The following LVRN variants were observed in gnomAD, a reference collection of about 807,000 sequenced individuals.
The protein encoded by LVRN is aminopeptidase Q.
Under a neutral mutation model 111.4 loss-of-function variants are expected in LVRN, and 99 were observed. That is an observed-to-expected ratio of 0.89 (90% CI 0.76 to 1.05). The LOEUF is 1.05. Ranked by LOEUF, LVRN falls within the 50% of genes least tolerant of loss-of-function variation. LVRN has a pLI of 0.00. For missense variants in LVRN, 1,414 were observed against 1,206.8 expected, an observed-to-expected ratio of 1.17 and a Z score of -2.54; for synonymous variants, 488 against 449.5, an observed-to-expected ratio of 1.09 and a Z score of -1.08.
chr5:115,999,073 C>T (rs949372890), intron 6 of LVRN, among the ~76,000 whole-genome samples: 3 of 152,120 alleles, frequency 2.0e-5, no homozygotes, highest in Admixed American at 1.3e-4. Context: ...GAACGTGTGC[C>T]GGTATAACTT....
intron 1 of LVRN, among the ~76,000 whole-genome samples, chr5:115,976,962 C>T (rs1753462049): frequency 1.3e-5 from 2 of 152,144 alleles, no homozygotes; most frequent in Non-Finnish European, 2.9e-5. Context: ...ACTACTCAGG[C>T]ATCACCCATC....
In LVRN at chr5:115,992,279, C is replaced by T; in HGVS notation, c.1260+2C>T. 1 of 1,613,500 alleles carries T rather than the reference C, an allele frequency of 6.2e-7. No individual in the cohort carries two copies. The highest frequency in any genetic ancestry group is 8.5e-7 in the Non-Finnish European group (1 of 1,179,784). On this transcript the variant is annotated splice_donor_variant, in intron 5 of 19. Coordinates refer to ENST00000357872, the MANE Select transcript of LVRN (RefSeq NM_173800.5). LOFTEE classifies it low-confidence loss of function (GC_TO_GT_DONOR). ...GTCTCCCACGAGATTGGACACCAGG[C>T]ATGTGGTAAAATGTTCTTTTTATTT... is the stretch of plus-strand genomic sequence containing the variant.
chr5:115,972,892 G>A (rs1214490178), intron 1 of LVRN, among the ~76,000 whole-genome samples: 4 of 151,204 alleles, frequency 2.6e-5, no homozygotes, highest in African/African-American at 4.8e-5. Flanking sequence ...TGTTAATATG[G>A]TAAATTACAT....
At position 115,992,296 on chromosome 5, in the gene LVRN, T is replaced by C. The variant is rs1748014393; in HGVS notation, c.1260+19T>C. ...ACACCAGGCATGTGGTAAAATGTTC[T>C]TTTTATTTCACTTGAAGTTATTCTC... is the stretch of plus-strand genomic sequence containing the variant. On this transcript the variant is annotated intron_variant, in intron 5 of 19. Transcript: ENST00000357872. 4 of 1,612,960 alleles carry C rather than the reference T, an allele frequency of 2.5e-6. No individual in the cohort carries two copies. Among genetic ancestry groups the C allele is most frequent in the Non-Finnish European group, 3.4e-6 (4 of 1,179,572 alleles).
chr5:115,980,845 G>A (rs1753546307), intron 1 of LVRN, among the ~76,000 whole-genome samples: 1 of 152,096 alleles, frequency 6.6e-6, no homozygotes, highest in Non-Finnish European at 1.5e-5. Context: ...CCTCCTGAAG[G>A]CCATGCATGA....
intron 4 of LVRN, among the ~76,000 whole-genome samples, chr5:115,990,560 A>G (rs967076879): frequency 1.1e-4 from 17 of 152,012 alleles, no homozygotes; most frequent in Non-Finnish European, 1.9e-4. Context: ...TTGGTGAACT[A>G]AAGTATTTAT....
chr5:115,999,671 A>G, intron 6 of LVRN, 91 bp from the exon 7 acceptor site: 6 of 1,383,728 alleles, frequency 4.3e-6, no homozygotes, highest in Non-Finnish European at 6.0e-6. Flanking sequence ...TCCCTCTTCA[A>G]TATCAGTTTT....
chr5:116,012,790 A>G (rs144615972), intron 15 of LVRN, among the ~76,000 whole-genome samples: 35 of 152,350 alleles, frequency 2.3e-4, no homozygotes, highest in African/African-American at 8.2e-4. Flanking sequence ...GCTAGCCTAT[A>G]CCAGTGAGTT....
At chr5:115,970,927 G>T (rs1255731669) in intron 1 of LVRN, among the ~76,000 whole-genome samples, 1 of 152,110 alleles carries the variant, frequency 6.6e-6, no homozygotes, top group East Asian at 1.9e-4. Context: ...AGTTTTTTAA[G>T]AAACTGCAAA....
chr5:116,021,904 A>G (rs2112647825), intron 18 of LVRN, among the ~76,000 whole-genome samples: 1 of 152,258 alleles, frequency 6.6e-6, no homozygotes, highest in South Asian at 2.1e-4. Context: ...CTCAGCCTTC[A>G]GGGTCACCAA....
chr5:115,981,464 A>T (rs1376217156), intron 1 of LVRN, among the ~76,000 whole-genome samples: 3 of 152,056 alleles, frequency 2.0e-5, no homozygotes, highest in Admixed American at 2.0e-4. Context: ...TGGGTATAAT[A>T]GTAGGTGTAT....
rs950146373 is a variant in LVRN, at chr5:116,024,519, G to C, written c.2833-1459G>C. Among the ~76,000 whole-genome samples, 4 of 152,118 alleles carry C rather than the reference G, an allele frequency of 2.6e-5. No individual in the cohort carries two copies. In the East Asian group the frequency reaches 7.7e-4, roughly 29 times the overall value. On this transcript the variant is annotated intron_variant, in intron 19 of 19. Transcript: ENST00000357872. Reference sequence around the variant, plus strand: ...TGAGCTGTCAGGATCTGATTTATCAGGTATTCCCTGGACAAGGGAAAGAAA... The same window carrying C: ...TGAGCTGTCAGGATCTGATTTATCACGTATTCCCTGGACAAGGGAAAGAAA...
intron 1 of LVRN, among the ~76,000 whole-genome samples, chr5:115,971,160 C>A (rs1753316969): frequency 6.6e-6 from 1 of 152,138 alleles, no homozygotes; most frequent in South Asian, 2.1e-4. Flanking sequence ...TCTATTTTAA[C>A]AAAATGTCTG....
intron 4 of LVRN, among the ~76,000 whole-genome samples, chr5:115,989,551 G>T (rs556264646): frequency 6.6e-6 from 1 of 152,064 alleles, no homozygotes; most frequent in Non-Finnish European, 1.5e-5. Context: ...ATTAGACCTC[G>T]GAGTTAGGAT....
chr5:116,008,203 G>A (rs980397288), intron 13 of LVRN, among the ~76,000 whole-genome samples: 1 of 152,110 alleles, frequency 6.6e-6, no homozygotes, highest in African/African-American at 2.4e-5. Context: ...AATCAGCCAG[G>A]TGTGGTGGTG....
At position 116,015,626 on chromosome 5, in the gene LVRN, A is replaced by G. The variant is rs769380938; in HGVS notation, c.2619-2A>G. The G allele has an allele frequency of 6.3e-7, 1 of 1,586,272 alleles. No individual in the cohort carries two copies. The highest frequency in any genetic ancestry group is 1.4e-5 in the African/African-American group (1 of 73,662). ...GTATTTTTTGAAAATGCACTTTTGC[A>G]GATATATGGAGTATGCCATCAGCAC... is the stretch of plus-strand genomic sequence containing the variant. On this transcript the variant is annotated splice_acceptor_variant, in intron 17 of 19. Transcript: ENST00000357872. LOFTEE classifies it high-confidence loss of function.
Position 115,987,793 on chromosome 5 carries a change from G to A in LVRN, c.979-20G>A. 2 of 1,606,286 alleles carry A rather than the reference G, an allele frequency of 1.2e-6. No homozygotes were observed. Among genetic ancestry groups the A allele is most frequent in the Non-Finnish European group, 1.7e-6 (2 of 1,177,186 alleles). ...ATCACTACTGGTTTTCCTAATCACT[G>A]CTTAACTGTTTTGATTTAGATACGC... On this transcript the variant is annotated intron_variant, in intron 3 of 19. Transcript: ENST00000357872.
At chr5:115,974,776 C>G in intron 1 of LVRN, 1 of 222,442 alleles carries the variant, frequency 4.5e-6, no homozygotes, top group South Asian at 7.3e-5. Flanking sequence ...TTATAGATAT[C>G]TGTAATATCA....
chr5:116,013,998 C>T (rs376195066), intron 15 of LVRN, among the ~76,000 whole-genome samples: 1 of 152,154 alleles, frequency 6.6e-6, no homozygotes, highest in African/African-American at 2.4e-5. Context: ...TATTCCCTTT[C>T]CCTTTCTTTT....
Sources: gnomAD v4.1 joint callset for allele counts (sites outside exome capture counted in the v4.1 genomes callset) on GRCh38, gnomAD v4.1.1 for gene constraint, MANE v1.5 for transcripts, NCBI Gene and HGNC (gene_info 2026-07-23, HGNC 2026-07-21) for gene names.